Variants in ACTR3C observed in about 807,000 individuals in gnomAD.
The protein encoded by ACTR3C is actin-related protein 3C.
Under a neutral mutation model 26.3 loss-of-function variants are expected in ACTR3C, and 18 were observed. That is an observed-to-expected ratio of 0.68 (90% CI 0.47 to 1.01). The LOEUF (loss-of-function observed/expected upper bound fraction) is 1.01, where lower values mean the gene tolerates loss of function less well. Ranked by LOEUF, ACTR3C falls within the 50% of genes least tolerant of loss-of-function variation. The pLI, the probability that ACTR3C is intolerant of heterozygous loss-of-function variation, is 0.00. For synonymous variants in ACTR3C, 55 were observed against 94.5 expected, an observed-to-expected ratio of 0.58 and a Z score of 2.42; for missense variants, 184 against 250.7, an observed-to-expected ratio of 0.73 and a Z score of 1.80.
the ACTR3C span, among the ~76,000 whole-genome samples, chr7:150,033,569 G>A: frequency 1.5e-4 from 23 of 152,218 alleles, no homozygotes; most frequent in African/African-American, 5.1e-4. Flanking sequence ...GTGGAAGAGG[G>A]GCTGGCTCTC....
At chr7:149,946,557 T>C in the ACTR3C span, among the ~76,000 whole-genome samples, 16,966 of 152,146 alleles carry the variant, frequency 0.11, 3,187 homozygotes, top group African/African-American at 0.39. Context: ...CCCCCATCCT[T>C]GGCTGTTTCC....
the ACTR3C span, among the ~76,000 whole-genome samples, chr7:150,028,617 C>T: frequency 6.6e-6 from 1 of 152,294 alleles, no homozygotes; most frequent in Non-Finnish European, 1.5e-5. Context: ...CTGCTTCTGG[C>T]CTTTATCCCC....
chr7:150,145,413 C>G, the ACTR3C span, among the ~76,000 whole-genome samples: 1 of 151,930 alleles, frequency 6.6e-6, no homozygotes, highest in African/African-American at 2.4e-5. Context: ...GAAAAAGAAG[C>G]ATCTTTCCTG....
chr7:150,214,565 T>C, the ACTR3C span, among the ~76,000 whole-genome samples: 2 of 151,618 alleles, frequency 1.3e-5, no homozygotes, highest in Middle Eastern at 3.2e-3. Context: ...CTCAGAGACC[T>C]GTAAAGCAAT....
chr7:150,161,899 C>T, the ACTR3C span, among the ~76,000 whole-genome samples: 12 of 151,966 alleles, frequency 7.9e-5, no homozygotes, highest in East Asian at 1.2e-3. Flanking sequence ...TTACTCTCTG[C>T]GGGGCCCTTG....
At chr7:150,177,341 A>G in the ACTR3C span, among the ~76,000 whole-genome samples, 1 of 150,764 alleles carries the variant, frequency 6.6e-6, no homozygotes, top group South Asian at 2.1e-4. Context: ...GTATTTTACC[A>G]TAGATCCAGT....
chr7:149,887,914 C>T, the ACTR3C span, among the ~76,000 whole-genome samples: 1 of 152,206 alleles, frequency 6.6e-6, no homozygotes, highest in African/African-American at 2.4e-5. Flanking sequence ...TCTCTTGCCG[C>T]TGCCATGTAA....
chr7:150,128,179 C>T, the ACTR3C span, among the ~76,000 whole-genome samples: 14 of 151,414 alleles, frequency 9.2e-5, no homozygotes, highest in African/African-American at 3.2e-4. Context: ...CACATGTCCA[C>T]GGGCACTTCC....
intron 4 of ACTR3C, among the ~76,000 whole-genome samples, chr7:150,287,360 ATGC>A (rs147061695): frequency 1.3e-5 from 2 of 151,944 alleles, no homozygotes; most frequent in Non-Finnish European, 2.9e-5. Context: ...AGCCGCCAGG[ATGC>A]TGCTGCTGCT....
the ACTR3C span, among the ~76,000 whole-genome samples, chr7:150,007,307 G>A: frequency 1.3e-5 from 2 of 152,194 alleles, no homozygotes; most frequent in Non-Finnish European, 2.9e-5. Flanking sequence ...GAGAAGAAAG[G>A]ATGTTTTCTT....
the ACTR3C span, among the ~76,000 whole-genome samples, chr7:150,036,950 G>T: frequency 2.1e-5 from 2 of 96,560 alleles, no homozygotes; most frequent in African/African-American, 3.8e-5. Flanking sequence ...GCCAGTGGGG[G>T]AACCAGGGGC....
chr7:150,087,182 TAA>T, the ACTR3C span, among the ~76,000 whole-genome samples: 3,938 of 129,260 alleles, frequency 0.03, 175 homozygotes, highest in African/African-American at 0.11. Context: ...TGAATTTGTT[TAA>T]AAAAAAAAAA....
At chr7:149,993,782 C>A in the ACTR3C span, among the ~76,000 whole-genome samples, 85 of 152,198 alleles carry the variant, frequency 5.6e-4, no homozygotes, top group African/African-American at 2.0e-3. Context: ...GCTAACCAGG[C>A]CAACCCTCTG....
At chr7:150,019,212 A>C in the ACTR3C span, among the ~76,000 whole-genome samples, 4,626 of 150,446 alleles carry the variant, frequency 0.031, 581 homozygotes, top group African/African-American at 0.11. Context: ...GAAGGAAGGA[A>C]GTAGACACTG....
chr7:150,034,475 C>A, the ACTR3C span, among the ~76,000 whole-genome samples: 516 of 151,426 alleles, frequency 3.4e-3, 5 homozygotes, highest in African/African-American at 0.012. Flanking sequence ...CTTCCATGTC[C>A]CCGCCCCCTT....
At chr7:150,183,399 A>T in the ACTR3C span, among the ~76,000 whole-genome samples, 1 of 149,644 alleles carries the variant, frequency 6.7e-6, no homozygotes, top group Non-Finnish European at 1.5e-5. Flanking sequence ...ATTGTTTCCA[A>T]CTTGGGGCTC....
chr7:149,935,398 TTTTTG>T, the ACTR3C span, among the ~76,000 whole-genome samples: 1 of 101,430 alleles, frequency 9.9e-6, no homozygotes, highest in Non-Finnish European at 2.0e-5. Context: ...CACAGGTGTT[TTTTTG>T]TTTTGTTTTG....
At chr7:150,316,491 T>A (rs1490458005) in intron 1 of ACTR3C, among the ~76,000 whole-genome samples, 3 of 146,386 alleles carry the variant, frequency 2.0e-5, no homozygotes, top group East Asian at 4.0e-4. Context: ...TTATTTTTTT[T>A]TTTTTTTTTT....
chr7:149,897,436 G>A, the ACTR3C span, among the ~76,000 whole-genome samples: 1 of 152,202 alleles, frequency 6.6e-6, no homozygotes, highest in Admixed American at 6.5e-5. Context: ...CTCAAACAGA[G>A]AGCTATTAAG....
Sources: allele counts gnomAD v4.1 joint callset (sites outside exome capture counted in the v4.1 genomes callset), GRCh38; gene constraint gnomAD v4.1.1; transcripts MANE v1.5; gene names NCBI Gene and HGNC (gene_info 2026-07-23, HGNC 2026-07-21).